ROCK2: variants seen among roughly 807,000 people sequenced by gnomAD.
The protein encoded by ROCK2 is Rho associated coiled-coil containing protein kinase 2, also known as rho-associated protein kinase 2.
Under a neutral mutation model 195.1 loss-of-function variants are expected in ROCK2, and 61 were observed. The ratio of observed to expected loss-of-function variants is 0.31; its 90% CI spans 0.25 to 0.39. The LOEUF is 0.39. Among genes scored for constraint, ROCK2 ranks in the 10% least tolerant of loss-of-function variants. ROCK2 has a pLI of 1.00. For synonymous variants in ROCK2, 504 were observed against 545.5 expected (o/e 0.92, Z 1.06); for missense variants, 1,109 against 1,637.4 (o/e 0.68, Z 5.57).
At position 11,344,138 on chromosome 2, in the gene ROCK2, C is replaced by A. The variant is rs1180005925; in HGVS notation, c.-2G>T. On this transcript the variant is annotated 5_prime_UTR_variant, in exon 1 of 33. Coordinates refer to ENST00000315872, the MANE Select transcript of ROCK2 (RefSeq NM_004850.5). This position sits in a 1 kb window ranked among gnomAD's most constrained non-coding sequence, Gnocchi z 5.4. ...CCCCGTCGGCGGGGGCCGGCTCATG[C>A]CGCCACCGCTGGACCCGCACTCAGG... is the stretch of plus-strand genomic sequence containing the variant. 46 of 1,442,206 alleles carry A rather than the reference C, an allele frequency of 3.2e-5. No homozygotes were observed. The highest frequency in any genetic ancestry group is 4.2e-5 in the Non-Finnish European group (46 of 1,103,772). 89.3% of individuals were successfully genotyped at this position (1,442,206 alleles called of 1,614,324 possible).
chr2:11,221,508 T>C, intron 8 of ROCK2, 151 bp from the exon 9 acceptor site: 1 of 480,308 alleles, frequency 2.1e-6, no homozygotes, highest in Non-Finnish European at 3.4e-6. Context: ...AATTAAAATT[T>C]TGTAATTTAT....
At chr2:11,228,430 C>T (rs964371152) in intron 5 of ROCK2, among the ~76,000 whole-genome samples, 3 of 152,066 alleles carry the variant, frequency 2.0e-5, no homozygotes, top group African/African-American at 7.2e-5. Flanking sequence ...TATTTTCCCA[C>T]ATATATAGCA....
At chr2:11,186,589 T>C (rs1663207659) in intron 32 of ROCK2, among the ~76,000 whole-genome samples, 2 of 152,156 alleles carry the variant, frequency 1.3e-5, no homozygotes, top group Non-Finnish European at 2.9e-5. Flanking sequence ...TGAATACCAA[T>C]CCCTTACTGA....
intron 1 of ROCK2, among the ~76,000 whole-genome samples, chr2:11,323,289 T>C (rs1199356594): frequency 6.6e-6 from 1 of 152,256 alleles, no homozygotes; most frequent in Non-Finnish European, 1.5e-5. Context: ...AGCAGCTGCA[T>C]GACTTTGGAC....
At chr2:11,199,486 TA>T (rs1313560088) in intron 23 of ROCK2, among the ~76,000 whole-genome samples, 4 of 149,364 alleles carry the variant, frequency 2.7e-5, no homozygotes, top group Non-Finnish European at 6.0e-5. Context: ...CACACCTGGA[TA>T]AAAAAAATTT....
chr2:11,211,791 T>C lies in ROCK2; in HGVS notation c.2093A>G (p.Gln698Arg). 2.5e-6 allele frequency: 4 copies of C among 1,612,456 alleles called. No homozygotes were observed. The highest frequency in any genetic ancestry group is 3.4e-6 in the Non-Finnish European group (4 of 1,179,348). Residue 698 changes from glutamine to arginine, a missense_variant, in exon 18 of 33, where the codon CAG becomes CGG. By Grantham distance (43) the Gln-to-Arg change is conservative (BLOSUM62 1). Around this residue, in one of 6 missense-constraint regions of ROCK2, gnomAD observed 542 missense variants for 672.0 expected, o/e 0.81. Transcript: ENST00000315872. ...AGCTTCTTCTTGTTCTAGGCTCTGC[T>C]GTATAACTTTTAGTTGGTATGTCAT... ...IDMTYQLKVIQQSLEQEEAEH... is the reference protein window; with the variant it reads ...IDMTYQLKVIRQSLEQEEAEH...
chr2:11,184,217 C>T (rs944577888), intron 32 of ROCK2, among the ~76,000 whole-genome samples: 7 of 152,142 alleles, frequency 4.6e-5, no homozygotes, highest in African/African-American at 1.4e-4. Context: ...TTTCACAGCA[C>T]TTATTAGACT....
intron 1 of ROCK2, among the ~76,000 whole-genome samples, chr2:11,298,008 G>T (rs1052836505): frequency 4.6e-5 from 7 of 152,058 alleles, no homozygotes; most frequent in Non-Finnish European, 5.9e-5. Flanking sequence ...GGGACATTCT[G>T]GAAAATTCTG....
intron 1 of ROCK2, among the ~76,000 whole-genome samples, chr2:11,325,074 C>T (rs1206860246): frequency 6.6e-6 from 1 of 152,242 alleles, no homozygotes; most frequent in Non-Finnish European, 1.5e-5. Context: ...TCATTTAACA[C>T]AGAAATAGAT....
At chr2:11,208,861 G>A (rs1436205581) in intron 18 of ROCK2, among the ~76,000 whole-genome samples, 1 of 151,990 alleles carries the variant, frequency 6.6e-6, no homozygotes, top group Non-Finnish European at 1.5e-5. Flanking sequence ...CCAAAGTGCT[G>A]GAATTACAGG....
chr2:11,314,860 A>G (rs909137308), intron 1 of ROCK2, among the ~76,000 whole-genome samples: 3 of 152,046 alleles, frequency 2.0e-5, no homozygotes, highest in South Asian at 2.1e-4. Context: ...GGAAAAATGT[A>G]TATTACAAAT....
chr2:11,238,207 A>AGTGTGTGTGTGT lies in ROCK2; in HGVS notation c.463-2246_463-2245insACACACACACAC, dbSNP rs764814189. 6.9e-3 allele frequency among the ~76,000 whole-genome samples: 248 copies of AGTGTGTGTGTGT among 36,066 alleles called. 1 individual carries two copies. Among genetic ancestry groups the AGTGTGTGTGTGT allele is most frequent in the African/African-American group, 0.019 (209 of 11,184 alleles). The allele number at this position is 36,066 out of a possible 152,430, so 23.7% of individuals were successfully genotyped here. ...ATAAGGCTGGTTACCAAATTGAGAA[A>AGTGTGTGTGTGT]GAGTGTGTGTGTGTGTGTGTGTGTG... On this transcript the variant is annotated intron_variant, in intron 4 of 32. Coordinates refer to ENST00000315872, the MANE Select transcript of ROCK2 (RefSeq NM_004850.5).
In ROCK2 at chr2:11,332,253, C is replaced by T. The variant is rs144310905; in HGVS notation, c.141+11743G>A. 4.2e-3 allele frequency among the ~76,000 whole-genome samples: 643 copies of T among 152,174 alleles called. 3 individuals are homozygous for T. Among genetic ancestry groups the T allele is most frequent in the African/African-American group, 0.014 (578 of 41,518 alleles). Reference sequence around the variant, plus strand: ...ATCATAACAAGGTTTTAAAAAAATGCTTAGTATTAACTAGGCCTTTCAGGT... The same window carrying T: ...ATCATAACAAGGTTTTAAAAAAATGTTTAGTATTAACTAGGCCTTTCAGGT... On this transcript the variant is annotated intron_variant, in intron 1 of 32. Coordinates refer to ENST00000315872, the MANE Select transcript of ROCK2 (RefSeq NM_004850.5).
chr2:11,333,146 G>A (rs1039563108), intron 1 of ROCK2, among the ~76,000 whole-genome samples: 4 of 152,104 alleles, frequency 2.6e-5, no homozygotes, highest in African/African-American at 9.7e-5. Context: ...GACATTAATG[G>A]TGTATAAATT....
Position 11,344,459 on chromosome 2 carries a change from G to A in ROCK2, c.-323C>T. ...CGCAGGAGTCCTCGGGCGGGAGCAG[G>A]GAAGTGGCGCCGCCACCGCCGCGGC... On this transcript the variant is annotated 5_prime_UTR_variant, in exon 1 of 33. Coordinates refer to ENST00000315872, the MANE Select transcript of ROCK2 (RefSeq NM_004850.5). The surrounding 1 kb of genome is among the most constrained non-coding windows in gnomAD (Gnocchi z 5.4). 1 of 1,014,606 alleles carries A rather than the reference G, an allele frequency of 9.9e-7. No individual in the cohort carries two copies. The highest frequency in any genetic ancestry group is 4.6e-5 in the South Asian group (1 of 21,568). 62.9% of individuals were successfully genotyped at this position (1,014,606 alleles called of 1,614,324 possible).
intron 1 of ROCK2, among the ~76,000 whole-genome samples, chr2:11,326,700 A>G (rs962115237): frequency 1.3e-5 from 2 of 152,216 alleles, no homozygotes; most frequent in Non-Finnish European, 2.9e-5. Context: ...TAAGAGAGAG[A>G]TTAAAGACAT....
chr2:11,199,878 G>A (rs1227250811), intron 23 of ROCK2, among the ~76,000 whole-genome samples: 3 of 152,122 alleles, frequency 2.0e-5, no homozygotes, highest in African/African-American at 7.2e-5. Context: ...ACTGCATTAT[G>A]TGAATGCCTA....
intron 1 of ROCK2, among the ~76,000 whole-genome samples, chr2:11,312,327 TAA>T (rs1469316674): frequency 6.6e-6 from 1 of 152,142 alleles, no homozygotes; most frequent in African/African-American, 2.4e-5. Context: ...TACAATTTGA[TAA>T]GTTTTGTCAA....
At chr2:11,212,245 G>C (rs992613571) in intron 17 of ROCK2, among the ~76,000 whole-genome samples, 2 of 151,980 alleles carry the variant, frequency 1.3e-5, no homozygotes, top group African/African-American at 4.8e-5. Flanking sequence ...GGCTTAACTA[G>C]AATGTTCAGT....
Sources: allele counts gnomAD v4.1 joint callset (sites outside exome capture counted in the v4.1 genomes callset), GRCh38; gene constraint gnomAD v4.1.1; regional missense constraint gnomAD v4.1.1; non-coding constraint Gnocchi (gnomAD v3.1); transcripts MANE v1.5; gene names NCBI Gene and HGNC (gene_info 2026-07-23, HGNC 2026-07-21).